ARK2N: variants seen among roughly 807,000 people sequenced by gnomAD.
ARK2N encodes protein ARK2N.
chr18:46,191,578 C>G, the ARK2N span, among the ~76,000 whole-genome samples: 228 of 152,254 alleles, frequency 1.5e-3, no homozygotes, highest in African/African-American at 5.2e-3. Flanking sequence ...AATAACAGTT[C>G]TGTGGGTTTG....
the ARK2N span, among the ~76,000 whole-genome samples, chr18:46,221,549 C>T: frequency 9.3e-6 from 1 of 107,598 alleles, no homozygotes; most frequent in African/African-American, 3.4e-5. Context: ...GACAGCAAGA[C>T]TCCATTAAAA....
At chr18:46,228,992 G>T in the ARK2N span, 2 of 388,328 alleles carry the variant, frequency 5.2e-6, no homozygotes, top group African/African-American at 2.1e-5. Flanking sequence ...AGAAAAAGAA[G>T]TTTTGGCAGA....
At chr18:46,262,913 T>G in the ARK2N span, 1 of 1,611,338 alleles carries the variant, frequency 6.2e-7, no homozygotes, top group East Asian at 2.2e-5. Context: ...GCTTTTGTTC[T>G]TCATCTCAAT....
chr18:46,240,266 A>C, the ARK2N span: 2 of 1,480,752 alleles, frequency 1.4e-6, no homozygotes, highest in Non-Finnish European at 1.8e-6. Context: ...GTGGACCCTG[A>C]TGAGGAGAAC....
the ARK2N span, among the ~76,000 whole-genome samples, chr18:46,185,097 G>C: frequency 6.6e-6 from 1 of 152,184 alleles, no homozygotes; most frequent in East Asian, 1.9e-4. Context: ...CAAATGAATA[G>C]TACTTTTAAG....
the ARK2N span, among the ~76,000 whole-genome samples, chr18:46,204,908 CTTTCT>C: frequency 1.3e-4 from 20 of 148,810 alleles, no homozygotes; most frequent in Middle Eastern, 0.014. Context: ...TTTTTCCCTG[CTTTCT>C]TTTCTTTTCT....
At chr18:46,253,432 A>T in the ARK2N span, among the ~76,000 whole-genome samples, 2 of 152,194 alleles carry the variant, frequency 1.3e-5, no homozygotes. Context: ...TTTTATCCTA[A>T]GGAGTAGCGA....
chr18:46,242,221 G>A, the ARK2N span, among the ~76,000 whole-genome samples: 6 of 152,230 alleles, frequency 3.9e-5, no homozygotes. Context: ...GTTAAATATA[G>A]ACCATTTTAT....
chr18:46,261,472 C>T, the ARK2N span, among the ~76,000 whole-genome samples: 1 of 152,170 alleles, frequency 6.6e-6, no homozygotes, highest in Non-Finnish European at 1.5e-5. Flanking sequence ...GTTCCGTTGG[C>T]CTTCAGTCAT....
chr18:46,216,406 A>G, the ARK2N span: 1 of 1,614,072 alleles, frequency 6.2e-7, no homozygotes, highest in Non-Finnish European at 8.5e-7. This position sits in a 1 kb window ranked among gnomAD's most constrained non-coding sequence, Gnocchi z 4.3. Context: ...AGGTCATCGG[A>G]GCCAAAAGCA....
the ARK2N span, among the ~76,000 whole-genome samples, chr18:46,213,737 C>T: frequency 6.6e-6 from 1 of 152,056 alleles, no homozygotes; most frequent in Non-Finnish European, 1.5e-5. Flanking sequence ...TGCTCTGTCA[C>T]CCAGGCTGGA....
chr18:46,232,731 A>G, the ARK2N span: 1 of 152,210 alleles, frequency 6.6e-6, no homozygotes, highest in African/African-American at 2.4e-5. Context: ...ACCACAGTGT[A>G]AAATAGAAGA....
chr18:46,253,843 A>G, the ARK2N span: 2 of 1,551,146 alleles, frequency 1.3e-6, no homozygotes, highest in Non-Finnish European at 1.7e-6. Context: ...TAATTGGAGT[A>G]GTCTGATATT....
the ARK2N span, chr18:46,253,746 T>C: frequency 6.2e-7 from 1 of 1,613,500 alleles, no homozygotes; most frequent in Non-Finnish European, 8.5e-7. Flanking sequence ...CTGCTGGCAA[T>C]GCGCCACTCA....
chr18:46,217,699 G>A, the ARK2N span: 1 of 152,128 alleles, frequency 6.6e-6, no homozygotes, highest in East Asian at 1.9e-4. Context: ...CACTTTATAG[G>A]TGTTCAAGTT....
At chr18:46,234,619 G>T in the ARK2N span, among the ~76,000 whole-genome samples, 1 of 151,574 alleles carries the variant, frequency 6.6e-6, no homozygotes, top group African/African-American at 2.4e-5. Flanking sequence ...AGCTCTTGAG[G>T]TTTGCCTCTT....
the ARK2N span, among the ~76,000 whole-genome samples, chr18:46,190,744 G>A: frequency 5.9e-4 from 90 of 152,198 alleles, no homozygotes; most frequent in Admixed American, 2.0e-3. Flanking sequence ...GTAGTGTAGC[G>A]TGGAGGCACT....
the ARK2N span, among the ~76,000 whole-genome samples, chr18:46,198,945 A>G: frequency 6.6e-6 from 1 of 152,182 alleles, no homozygotes; most frequent in Non-Finnish European, 1.5e-5. Context: ...AATATAGAAA[A>G]GAGTTCCTCA....
chr18:46,196,759 G>A, the ARK2N span, among the ~76,000 whole-genome samples: 1 of 152,186 alleles, frequency 6.6e-6, no homozygotes, highest in Non-Finnish European at 1.5e-5. Flanking sequence ...TTACAGTCAG[G>A]TTGTCAGCTT....
Sources: gnomAD v4.1 joint callset for allele counts (sites outside exome capture counted in the v4.1 genomes callset) on GRCh38, gnomAD v4.1.1 for gene constraint, Gnocchi (gnomAD v3.1) non-coding constraint, MANE v1.5 for transcripts, NCBI Gene and HGNC (gene_info 2026-07-23, HGNC 2026-07-21) for gene names.